AGBL4: variants seen among roughly 807,000 people sequenced by gnomAD.
The protein encoded by AGBL4 is AGBL carboxypeptidase 4, also known as cytosolic carboxypeptidase 6.
In AGBL4, 58 loss-of-function variants were observed where a neutral mutation model predicts 66.4. The observed-to-expected ratio is 0.87, with a 90% CI of 0.71 to 1.09. AGBL4 has a LOEUF of 1.09. Ranked by LOEUF, AGBL4 falls within the 50% of genes least tolerant of loss-of-function variation. AGBL4 has a pLI of 0.00. For missense variants in AGBL4, 579 were observed against 631.0 expected (o/e 0.92, Z 0.88); for synonymous variants, 234 against 222.9 (o/e 1.05, Z -0.44).
rs541267858 is a variant in AGBL4 at position 49,500,731 on chromosome 1, G to A, written c.282+196582C>T. ...CTGGGTTCTCTATTCTGTTCCATTG[G>A]TCTATATGCCTGTTTTTATACCAGT... On this transcript the variant is annotated intron_variant, in intron 3 of 13. Coordinates refer to ENST00000371839, the MANE Select transcript of AGBL4 (RefSeq NM_032785.4). Among the ~76,000 whole-genome samples the A allele has an allele frequency of 4.6e-5, 7 of 152,080 alleles. No individual in the cohort carries two copies. In the South Asian group the frequency reaches 1.5e-3, roughly 32 times the overall value.
intron 5 of AGBL4, among the ~76,000 whole-genome samples, chr1:48,953,458 C>T (rs909752437): frequency 3.9e-5 from 6 of 152,142 alleles, no homozygotes; most frequent in Admixed American, 6.5e-5. Context: ...GTCTGATTGA[C>T]GGGGCTTAGG....
intron 2 of AGBL4, among the ~76,000 whole-genome samples, chr1:49,725,138 T>G (rs1453249253): frequency 6.6e-6 from 1 of 152,168 alleles, no homozygotes; most frequent in Non-Finnish European, 1.5e-5. Flanking sequence ...TATAATGGAC[T>G]TCATCATGTG....
chr1:48,590,983 T>C lies in AGBL4; in HGVS notation c.954A>G (p.Lys318=). ...QLIVQMYNDP[K]TSLEFYIDIH... ...TGTCAATATAAAACTCCAGGCTTGTTTTCTGTTGAGAGAAAGGATAACAAA... is the reference window on the plus strand; with the variant it reads ...TGTCAATATAAAACTCCAGGCTTGTCTTCTGTTGAGAGAAAGGATAACAAA... The change falls in exon 10 of 14, where the codon AAA becomes AAG. Residue 318 remains lysine (K), a splice_region_variant and synonymous_variant. Transcript: ENST00000371839. The C allele has an allele frequency of 6.2e-7, 1 of 1,607,000 alleles. No individual in the cohort carries two copies.
chr1:49,697,439 TG>T lies in AGBL4; in HGVS notation c.158-3del. ...CCTGGTCCACCCGGCCCAGGTTACC[TG>T]GTAATAAAAATTAAGAGAATTGGAT... On this transcript the variant is annotated splice_region_variant and splice_polypyrimidine_tract_variant and intron_variant, in intron 2 of 13. Transcript: ENST00000371839. 1 of 1,503,626 alleles carries T rather than the reference TG, an allele frequency of 6.7e-7. No individual in the cohort carries two copies. The highest frequency in any genetic ancestry group is 9.0e-7 in the Non-Finnish European group (1 of 1,111,750). 93.1% of individuals were successfully genotyped at this position (1,503,626 alleles called of 1,614,324 possible).
intron 3 of AGBL4, among the ~76,000 whole-genome samples, chr1:49,377,566 A>AT (rs1644497980): frequency 1.3e-5 from 2 of 152,152 alleles, no homozygotes; most frequent in South Asian, 4.1e-4. Flanking sequence ...AGAGTCTGAT[A>AT]TTTTATCCTA....
At chr1:49,561,463 C>A (rs914654025) in intron 3 of AGBL4, among the ~76,000 whole-genome samples, 2 of 151,828 alleles carry the variant, frequency 1.3e-5, no homozygotes, top group Non-Finnish European at 2.9e-5. Context: ...CCCCCTCCCC[C>A]CAACCCACAA....
At chr1:49,548,266 C>T (rs1652666308) in intron 3 of AGBL4, among the ~76,000 whole-genome samples, 1 of 152,160 alleles carries the variant, frequency 6.6e-6, no homozygotes, top group Admixed American at 6.5e-5. Context: ...CGTTTGACTT[C>T]CTCTTTACTG....
At chr1:48,921,469 G>C (rs763020323) in intron 5 of AGBL4, among the ~76,000 whole-genome samples, 1 of 152,132 alleles carries the variant, frequency 6.6e-6, no homozygotes, top group Non-Finnish European at 1.5e-5. Context: ...AAATTCCATA[G>C]CTCTGGCTCA....
At chr1:49,705,407 G>A (rs563475956) in intron 2 of AGBL4, among the ~76,000 whole-genome samples, 3 of 149,532 alleles carry the variant, frequency 2.0e-5, no homozygotes, top group African/African-American at 7.4e-5. Context: ...ATTTGAATAC[G>A]CTTTATTTCT....
intron 6 of AGBL4, among the ~76,000 whole-genome samples, chr1:48,754,433 C>T (rs181458778): frequency 5.0e-4 from 76 of 152,242 alleles, no homozygotes; most frequent in Admixed American, 2.9e-3. Flanking sequence ...ACAAAGGATA[C>T]CCTCGATAAC....
At chr1:49,727,130 G>C (rs1209949858) in intron 2 of AGBL4, among the ~76,000 whole-genome samples, 4 of 152,096 alleles carry the variant, frequency 2.6e-5, no homozygotes, top group Non-Finnish European at 1.5e-5. Context: ...TAAAAGACTA[G>C]TTGAGGGTGA....
At position 48,533,727 on chromosome 1, in the gene AGBL4, T is replaced by A. The variant is rs1436320501; in HGVS notation, c.*446A>T. 1 of 192,244 alleles carries A rather than the reference T, an allele frequency of 5.2e-6. No individual in the cohort carries two copies. Among genetic ancestry groups the A allele is most frequent in the Non-Finnish European group, 1.1e-5 (1 of 93,640 alleles). The allele number at this position is 192,244 out of a possible 1,614,324, so 11.9% of individuals were successfully genotyped here. On this transcript the variant is annotated 3_prime_UTR_variant, in exon 14 of 14. Coordinates refer to ENST00000371839, the MANE Select transcript of AGBL4 (RefSeq NM_032785.4). ...TTGGTTGCATGTGTTGTTGCTGTTGTTTTGGATCAGAAAATACAAACACTG... is the reference window on the plus strand; with the variant it reads ...TTGGTTGCATGTGTTGTTGCTGTTGATTTGGATCAGAAAATACAAACACTG...
At chr1:48,536,188 A>G (rs1443869322) in intron 12 of AGBL4, among the ~76,000 whole-genome samples, 1 of 152,134 alleles carries the variant, frequency 6.6e-6, no homozygotes, top group Admixed American at 6.5e-5. Flanking sequence ...CACCATCTAC[A>G]AGCAGAAAGG....
intron 6 of AGBL4, among the ~76,000 whole-genome samples, chr1:48,823,828 A>T (rs1478046036): frequency 6.6e-6 from 1 of 152,186 alleles, no homozygotes; most frequent in Non-Finnish European, 1.5e-5. Flanking sequence ...TGTTGATATC[A>T]CTTGAATTTC....
At chr1:49,737,159 T>G (rs1236485222) in intron 2 of AGBL4, among the ~76,000 whole-genome samples, 1 of 152,146 alleles carries the variant, frequency 6.6e-6, no homozygotes, top group Non-Finnish European at 1.5e-5. Context: ...GAGCTACCAT[T>G]CAATATATCA....
At chr1:48,991,885 T>A (rs1445388075) in intron 5 of AGBL4, among the ~76,000 whole-genome samples, 1 of 152,176 alleles carries the variant, frequency 6.6e-6, no homozygotes, top group Non-Finnish European at 1.5e-5. Context: ...AATTCTTAAT[T>A]CCTTGTCTGT....
chr1:49,266,126 T>G (rs1184808332), intron 3 of AGBL4: 1 of 152,064 alleles, frequency 6.6e-6, no homozygotes, highest in East Asian at 1.9e-4. Context: ...AACTGGAAAT[T>G]GTCAATCTTC....
chr1:49,246,755 G>A (rs905391687), intron 3 of AGBL4, among the ~76,000 whole-genome samples: 9 of 151,916 alleles, frequency 5.9e-5, no homozygotes, highest in African/African-American at 2.2e-4. Flanking sequence ...TAGTCCAAAG[G>A]AGAGATGATG....
chr1:49,436,494 T>C (rs1645906896), intron 3 of AGBL4, among the ~76,000 whole-genome samples: 1 of 152,130 alleles, frequency 6.6e-6, no homozygotes, highest in Non-Finnish European at 1.5e-5. Flanking sequence ...ACATAATATT[T>C]TTCAGACACA....
Sources: gnomAD v4.1 joint callset for allele counts (sites outside exome capture counted in the v4.1 genomes callset) on GRCh38, gnomAD v4.1.1 for gene constraint, MANE v1.5 for transcripts, NCBI Gene and HGNC (gene_info 2026-07-23, HGNC 2026-07-21) for gene names.